Variants in LRRC75A observed in about 807,000 individuals in gnomAD.
LRRC75A encodes the protein leucine rich repeat containing 75A.
In LRRC75A, 12 loss-of-function variants were observed where a neutral mutation model predicts 26.0. The observed-to-expected ratio is 0.46, with a 90% CI of 0.30 to 0.75. The LOEUF is 0.75. Among genes scored for constraint, LRRC75A ranks in the 30% least tolerant of loss-of-function variants. LRRC75A has a pLI of 0.08. For missense variants in LRRC75A, 410 were observed against 486.6 expected (o/e 0.84, Z 1.48); for synonymous variants, 223 against 219.3 (o/e 1.02, Z -0.15).
intron 2 of LRRC75A, among the ~76,000 whole-genome samples, chr17:16,455,822 C>G (rs983819680): frequency 6.6e-6 from 1 of 152,230 alleles, no homozygotes; most frequent in South Asian, 2.1e-4. Context: ...GGCTGATGCT[C>G]CTAACCGCTA....
intron 1 of LRRC75A, among the ~76,000 whole-genome samples, chr17:16,484,219 C>G (rs938719911): frequency 6.6e-6 from 1 of 152,052 alleles, no homozygotes; most frequent in African/African-American, 2.4e-5. Flanking sequence ...GCATATAATC[C>G]CAGCTACTCA....
In LRRC75A at chr17:16,464,249, G is replaced by A. The variant is rs1177340913; in HGVS notation, c.247-1863C>T. 2.2e-5 allele frequency among the ~76,000 whole-genome samples: 3 copies of A among 136,066 alleles called. No homozygotes were observed. In the East Asian group the frequency reaches 5.8e-4, roughly 26 times the overall value. The allele number at this position is 136,066 out of a possible 152,430, so 89.3% of individuals were successfully genotyped here. ...AAAAATTTGCTGGGAACCAGGACCT[G>A]GGGGCTCAAGGTCTGTCATGGATGC... On this transcript the variant is annotated intron_variant, in intron 1 of 3. Coordinates refer to ENST00000470794, the MANE Select transcript of LRRC75A (RefSeq NM_001113567.3).
At chr17:16,465,783 G>A (rs2093763812) in intron 1 of LRRC75A, among the ~76,000 whole-genome samples, 1 of 152,244 alleles carries the variant, frequency 6.6e-6, no homozygotes, top group Non-Finnish European at 1.5e-5. Context: ...TTGCCCAGCT[G>A]CTGACTGTGG....
At chr17:16,472,059 A>G (rs2143342759) in intron 1 of LRRC75A, among the ~76,000 whole-genome samples, 1 of 152,212 alleles carries the variant, frequency 6.6e-6, no homozygotes, top group South Asian at 2.1e-4. Context: ...TTAAAACGGT[A>G]TTTTATATTT....
chr17:16,490,612 G>T (rs2093855282), intron 1 of LRRC75A, among the ~76,000 whole-genome samples: 1 of 152,128 alleles, frequency 6.6e-6, no homozygotes, highest in Admixed American at 6.5e-5. Flanking sequence ...CAGATACAAA[G>T]GTGGGGAAGA....
At chr17:16,454,761 CCT>C (rs1405805006) in intron 2 of LRRC75A, among the ~76,000 whole-genome samples, 1 of 151,740 alleles carries the variant, frequency 6.6e-6, no homozygotes, top group East Asian at 1.9e-4. Context: ...AACAAAAAAA[CCT>C]CTTTCCCTGG....
chr17:16,453,312 G>A (rs7504005), intron 2 of LRRC75A, among the ~76,000 whole-genome samples: 778 of 64,898 alleles, frequency 0.012, 7 homozygotes, highest in African/African-American at 0.029. Context: ...ACACACACAC[G>A]CACACACGCA....
chr17:16,489,641 T>C (rs536860276), intron 1 of LRRC75A, among the ~76,000 whole-genome samples: 184 of 152,330 alleles, frequency 1.2e-3, no homozygotes, highest in Non-Finnish European at 2.2e-3. Context: ...CTCTCTGTCA[T>C]AGGCAAGTGA....
intron 1 of LRRC75A, among the ~76,000 whole-genome samples, chr17:16,474,617 G>A (rs1052522203): frequency 1.3e-5 from 2 of 152,024 alleles, no homozygotes; most frequent in East Asian, 1.9e-4. Context: ...TATCTGAATC[G>A]GTTGTTTATA....
intron 1 of LRRC75A, among the ~76,000 whole-genome samples, chr17:16,480,931 T>A (rs1282034449): frequency 1.3e-5 from 2 of 152,088 alleles, no homozygotes; most frequent in Non-Finnish European, 2.9e-5. Context: ...CTGGGCAGGG[T>A]CTTGGGAATT....
intron 1 of LRRC75A, among the ~76,000 whole-genome samples, chr17:16,482,583 A>G (rs1177667019): frequency 1.3e-5 from 2 of 152,158 alleles, no homozygotes; most frequent in Non-Finnish European, 2.9e-5. Flanking sequence ...TCCTGGGCCT[A>G]GCGCCTGTGT....
At chr17:16,469,445 G>A (rs1056659922) in intron 1 of LRRC75A, among the ~76,000 whole-genome samples, 1 of 152,056 alleles carries the variant, frequency 6.6e-6, no homozygotes, top group Admixed American at 6.5e-5. Context: ...TCTATCCTAC[G>A]CTCAGGCTTC....
At chr17:16,476,292 C>T (rs575175399) in intron 1 of LRRC75A, among the ~76,000 whole-genome samples, 7 of 152,070 alleles carry the variant, frequency 4.6e-5, no homozygotes, top group South Asian at 2.1e-4. Flanking sequence ...CACTTGAACC[C>T]GGGAGGTGGA....
chr17:16,470,395 C>T (rs1402724566), intron 1 of LRRC75A: 3 of 152,122 alleles, frequency 2.0e-5, no homozygotes, highest in Non-Finnish European at 2.9e-5. Flanking sequence ...GCTTCAATAT[C>T]GAAACCACCG....
chr17:16,444,622 C>G (rs563318547), intron 3 of LRRC75A, among the ~76,000 whole-genome samples: 3 of 151,992 alleles, frequency 2.0e-5, no homozygotes, highest in Admixed American at 6.6e-5. Flanking sequence ...CTATGGGGAG[C>G]CTGTAAGACA....
intron 2 of LRRC75A, among the ~76,000 whole-genome samples, chr17:16,449,512 C>CT (rs1459849162): frequency 6.6e-6 from 1 of 152,208 alleles, no homozygotes; most frequent in Non-Finnish European, 1.5e-5. Context: ...CAGGCACACT[C>CT]TAAGTGAATA....
rs573908400 is a variant in LRRC75A, at chr17:16,442,449, T to C, written c.*1139A>G. 8 of 152,292 alleles carry C rather than the reference T, an allele frequency of 5.3e-5. No individual in the cohort carries two copies. Among genetic ancestry groups the C allele is most frequent in the African/African-American group, 1.9e-4 (8 of 41,542 alleles). 9.4% of individuals were successfully genotyped at this position (152,292 alleles called of 1,614,324 possible). A position where few individuals can be genotyped will look rare whatever the true frequency, so the allele number is the denominator to read the frequency against. On this transcript the variant is annotated 3_prime_UTR_variant, in exon 4 of 4. Transcript: ENST00000470794. Reference sequence around the variant, plus strand: ...GGACTGAACTACTTGGATCTAGGGGTTGCCTGTTATTTAGAAGAGATCCCT... The same window carrying C: ...GGACTGAACTACTTGGATCTAGGGGCTGCCTGTTATTTAGAAGAGATCCCT...
At chr17:16,475,432 A>G (rs189164154) in intron 1 of LRRC75A, among the ~76,000 whole-genome samples, 31 of 152,278 alleles carry the variant, frequency 2.0e-4, no homozygotes, top group African/African-American at 7.0e-4. Flanking sequence ...CCCAGGAAGG[A>G]GCTGGCAGTG....
At position 16,451,357 on chromosome 17, in the gene LRRC75A, C is replaced by T. The variant is rs372897041; in HGVS notation, c.376-3397G>A. Among the ~76,000 whole-genome samples, 6 of 152,246 alleles carry T rather than the reference C, an allele frequency of 3.9e-5. No homozygotes were observed. The East Asian group carries it at 9.7e-4, about 25-fold the overall frequency. ...AATAGGGGCCAGGCACGGTGGCTCA[C>T]GCCTGTTAATCCCAGCACGTTGGGA... On this transcript the variant is annotated intron_variant, in intron 2 of 3. Transcript: ENST00000470794.
Sources: gnomAD v4.1 joint callset for allele counts (sites outside exome capture counted in the v4.1 genomes callset) on GRCh38, gnomAD v4.1.1 for gene constraint, MANE v1.5 for transcripts, NCBI Gene and HGNC (gene_info 2026-07-23, HGNC 2026-07-21) for gene names.